Variants in GRID2 observed in about 807,000 individuals in gnomAD.
The protein encoded by GRID2 is glutamate receptor ionotropic, delta-2.
In GRID2, 33 loss-of-function variants were observed where a neutral mutation model predicts 114.8. The observed-to-expected ratio is 0.29, with a 90% CI of 0.22 to 0.38. The LOEUF (loss-of-function observed/expected upper bound fraction) is 0.38. Ranked by LOEUF, GRID2 falls within the 10% of genes least tolerant of loss-of-function variation. The pLI, the probability that GRID2 is intolerant of heterozygous loss-of-function variation, is 1.00. For synonymous variants in GRID2, 505 were observed against 449.9 expected (o/e 1.12, Z -1.55); for missense variants, 1,184 against 1,257.7 (o/e 0.94, Z 0.89).
chr4:92,589,785 G>T (rs1728621030), intron 1 of GRID2, among the ~76,000 whole-genome samples: 1 of 152,078 alleles, frequency 6.6e-6, no homozygotes, highest in Non-Finnish European at 1.5e-5. Flanking sequence ...ATTCAGAAAA[G>T]AAATCTTCCA....
chr4:92,364,890 T>G (rs2110207657), intron 1 of GRID2, among the ~76,000 whole-genome samples: 1 of 152,206 alleles, frequency 6.6e-6, no homozygotes, highest in Admixed American at 6.6e-5. Context: ...ATTTTAAAAC[T>G]GATACATTCA....
intron 2 of GRID2, among the ~76,000 whole-genome samples, chr4:92,706,384 T>C (rs941792776): frequency 7.2e-5 from 11 of 152,220 alleles, no homozygotes; most frequent in African/African-American, 2.7e-4. Context: ...TGTTTGTTAT[T>C]TTAATAAATG....
intron 14 of GRID2, among the ~76,000 whole-genome samples, chr4:93,750,614 G>A (rs763578325): frequency 6.6e-6 from 1 of 152,036 alleles, no homozygotes; most frequent in Non-Finnish European, 1.5e-5. Flanking sequence ...AAATTAGCAG[G>A]GCATGGTGGC....
At chr4:93,732,940 G>A (rs1478381431) in intron 14 of GRID2, among the ~76,000 whole-genome samples, 2 of 151,272 alleles carry the variant, frequency 1.3e-5, no homozygotes, top group Admixed American at 6.6e-5. Context: ...AAAAAGAAGA[G>A]AAACTACAAA....
chr4:92,749,778 G>A (rs1307261105), intron 2 of GRID2, among the ~76,000 whole-genome samples: 1 of 152,126 alleles, frequency 6.6e-6, no homozygotes, highest in Non-Finnish European at 1.5e-5. Flanking sequence ...CAGGTAGATG[G>A]AAGGAATATA....
intron 14 of GRID2, among the ~76,000 whole-genome samples, chr4:93,665,410 GT>G (rs1490113140): frequency 6.6e-6 from 1 of 152,102 alleles, no homozygotes; most frequent in Admixed American, 6.5e-5. Context: ...ATAAAGTTTT[GT>G]TTTATGTGGG....
chr4:92,765,575 C>T (rs1738218764), intron 2 of GRID2, among the ~76,000 whole-genome samples: 1 of 151,920 alleles, frequency 6.6e-6, no homozygotes, highest in South Asian at 2.1e-4. Context: ...GCCAGACTGA[C>T]ACTTTTTAGG....
chr4:92,621,267 A>G (rs62307905), intron 2 of GRID2, among the ~76,000 whole-genome samples: 8,418 of 151,856 alleles, frequency 0.055, 302 homozygotes, highest in East Asian at 0.16. Context: ...AGGAAAGATG[A>G]AGTGATGGTT....
intron 2 of GRID2, among the ~76,000 whole-genome samples, chr4:92,940,125 G>T (rs1158838144): frequency 1.4e-5 from 2 of 146,914 alleles, no homozygotes; most frequent in African/African-American, 4.9e-5. Flanking sequence ...AGCTTAATGG[G>T]GATGGCATTG....
At chr4:92,461,296 A>G (rs1721484414) in intron 1 of GRID2, among the ~76,000 whole-genome samples, 1 of 152,006 alleles carries the variant, frequency 6.6e-6, no homozygotes, top group African/African-American at 2.4e-5. Flanking sequence ...GCAAAAGGAC[A>G]TACAGCAGGT....
intron 8 of GRID2, among the ~76,000 whole-genome samples, chr4:93,387,443 C>A (rs546267568): frequency 6.6e-6 from 1 of 151,940 alleles, no homozygotes; most frequent in African/African-American, 2.4e-5. Context: ...GGAAATTCAC[C>A]ATCTAAATTT....
chr4:93,805,065 G>A (rs547625710), intron 1 of GRID2, among the ~76,000 whole-genome samples: 3 of 152,282 alleles, frequency 2.0e-5, no homozygotes, highest in Non-Finnish European at 4.4e-5. Context: ...TACAGTAATA[G>A]ATAATTAGTA....
At chr4:93,267,190 T>A (rs1380856324) in intron 8 of GRID2, among the ~76,000 whole-genome samples, 36 of 151,808 alleles carry the variant, frequency 2.4e-4, no homozygotes, top group South Asian at 1.0e-3. Context: ...ATTTTATTAT[T>A]TTTTTTATTA....
At chr4:92,653,932 C>T (rs1210320298) in intron 2 of GRID2, among the ~76,000 whole-genome samples, 1 of 152,098 alleles carries the variant, frequency 6.6e-6, no homozygotes, top group East Asian at 1.9e-4. Context: ...TCCTATGTCA[C>T]AAACATACAT....
chr4:92,684,089 G>T (rs941157858), intron 2 of GRID2, among the ~76,000 whole-genome samples: 1 of 151,890 alleles, frequency 6.6e-6, no homozygotes, highest in Non-Finnish European at 1.5e-5. Flanking sequence ...AAAATTTGAT[G>T]TACTAGCAAG....
intron 14 of GRID2, among the ~76,000 whole-genome samples, chr4:93,730,484 G>T (rs533080630): frequency 1.3e-5 from 2 of 152,284 alleles, no homozygotes; most frequent in East Asian, 3.9e-4. Context: ...AAATAAAAGC[G>T]ACAATCAAGC....
chr4:92,393,360 A>C (rs1470932203), intron 1 of GRID2, among the ~76,000 whole-genome samples: 1 of 152,192 alleles, frequency 6.6e-6, no homozygotes, highest in East Asian at 1.9e-4. Context: ...AGAATGATGC[A>C]GTGTAATCTT....
chr4:93,491,000 A>C (rs1726945709), intron 12 of GRID2, among the ~76,000 whole-genome samples: 1 of 151,914 alleles, frequency 6.6e-6, no homozygotes. Context: ...CTATGATTTC[A>C]ATGTTGCTTC....
intron 8 of GRID2, among the ~76,000 whole-genome samples, chr4:93,244,566 ATATATT>A (rs1221848009): frequency 6.8e-4 from 25 of 36,654 alleles, no homozygotes; most frequent in African/African-American, 2.0e-3. Context: ...ATAATCTATT[ATATATT>A]AATTAATAGA....
Sources: gnomAD v4.1 joint callset for allele counts (sites outside exome capture counted in the v4.1 genomes callset) on GRCh38, gnomAD v4.1.1 for gene constraint, MANE v1.5 for transcripts, NCBI Gene and HGNC (gene_info 2026-07-23, HGNC 2026-07-21) for gene names.